The following COL4A4 variants were observed in gnomAD, a reference collection of about 807,000 sequenced individuals.
The protein encoded by COL4A4 is collagen type IV alpha 4 chain.
COL4A4 carries 105 observed loss-of-function variants against 192.9 expected under a neutral mutation model. The observed-to-expected ratio is 0.54, with a 90% CI of 0.46 to 0.64. The LOEUF (loss-of-function observed/expected upper bound fraction) is 0.64, where lower values mean the gene tolerates loss of function less well. Among genes scored for constraint, COL4A4 ranks in the 30% least tolerant of loss-of-function variants. COL4A4 has a pLI of 0.00. For missense variants in COL4A4, 1,967 were observed against 2,169.3 expected (o/e 0.91, Z 1.85); for synonymous variants, 762 against 769.9 (o/e 0.99, Z 0.17).
At chr2:226,970,043 C>T in the COL4A4 span, among the ~76,000 whole-genome samples, 2 of 132,480 alleles carry the variant, frequency 1.5e-5, no homozygotes, top group African/African-American at 2.8e-5. Context: ...AACCTGGTCA[C>T]ATCGTCATCC....
chr2:227,040,043 A>G (rs970541264), intron 37 of COL4A4, among the ~76,000 whole-genome samples: 2 of 152,206 alleles, frequency 1.3e-5, no homozygotes, highest in Non-Finnish European at 2.9e-5. Flanking sequence ...TACCTACCAC[A>G]CTACCACTTC....
At chr2:227,119,750 TA>T (rs2061678951) in intron 6 of COL4A4, 144 bp downstream of exon 6, 1 of 322,506 alleles carries the variant, frequency 3.1e-6, no homozygotes, top group Non-Finnish European at 5.7e-6. Flanking sequence ...GCTTGTGGTA[TA>T]TATAGCAAAT....
the COL4A4 span, among the ~76,000 whole-genome samples, chr2:226,974,383 G>A: frequency 1.3e-5 from 2 of 151,986 alleles, no homozygotes; most frequent in South Asian, 2.1e-4. Context: ...AATTACAGGC[G>A]CCCACCACTG....
At chr2:226,993,158 C>T in the COL4A4 span, among the ~76,000 whole-genome samples, 1 of 152,168 alleles carries the variant, frequency 6.6e-6, no homozygotes, top group Non-Finnish European at 1.5e-5. Context: ...CCTTCTAATT[C>T]CTCCAGGCAG....
At chr2:227,103,024 A>G in intron 14 of COL4A4, 120 bp downstream of exon 14, 3 of 1,101,854 alleles carry the variant, frequency 2.7e-6, no homozygotes, top group Non-Finnish European at 4.1e-6. Flanking sequence ...TAAGATAGTG[A>G]AAAATTCTGG....
intron 19 of COL4A4, 128 bp from the exon 20 acceptor site, chr2:227,094,417 G>C (rs2060100435): frequency 3.5e-6 from 3 of 859,960 alleles, no homozygotes; most frequent in African/African-American, 1.7e-5. Flanking sequence ...CGGAGCTGGA[G>C]GTCATTATGC....
At chr2:227,060,045 T>C in intron 27 of COL4A4, 91 bp downstream of exon 27, 1 of 862,000 alleles carries the variant, frequency 1.2e-6, no homozygotes. Context: ...ATTTCCTCAA[T>C]GAAATTATCC....
At chr2:227,029,514 A>T (rs1967795785) in intron 41 of COL4A4, among the ~76,000 whole-genome samples, 1 of 152,186 alleles carries the variant, frequency 6.6e-6, no homozygotes, top group African/African-American at 2.4e-5. Flanking sequence ...CCTCACAGTG[A>T]TTTTTATCTG....
chr2:226,978,365 T>C, the COL4A4 span, among the ~76,000 whole-genome samples: 1 of 152,104 alleles, frequency 6.6e-6, no homozygotes, highest in African/African-American at 2.4e-5. Context: ...TAGAGAAAGG[T>C]TGGATGGTAA....
chr2:227,081,455 G>C (rs2059321849), intron 23 of COL4A4, among the ~76,000 whole-genome samples: 1 of 152,088 alleles, frequency 6.6e-6, no homozygotes. Context: ...GGGCTCTTGT[G>C]CCTTCAGCCA....
chr2:227,041,781 AGGAAGG>A (rs1559476165), intron 37 of COL4A4, among the ~76,000 whole-genome samples: 6 of 84,466 alleles, frequency 7.1e-5, no homozygotes, highest in Non-Finnish European at 1.5e-4. Flanking sequence ...GAAGGAAGGA[AGGAAGG>A]GAAAGAAAGA....
chr2:227,112,812 TATG>T (rs1237199827), intron 8 of COL4A4, among the ~76,000 whole-genome samples: 1 of 152,266 alleles, frequency 6.6e-6, no homozygotes, highest in African/African-American at 2.4e-5. Context: ...AGTGAAATCA[TATG>T]ATATTTGACT....
At chr2:227,106,845 C>T (rs113819876) in intron 12 of COL4A4, among the ~76,000 whole-genome samples, 5,623 of 152,274 alleles carry the variant, frequency 0.037, 348 homozygotes, top group African/African-American at 0.13. Flanking sequence ...GGATTACAGG[C>T]GTGAGCCACT....
At chr2:227,034,390 G>A (rs1254717458) in intron 37 of COL4A4, among the ~76,000 whole-genome samples, 1 of 152,008 alleles carries the variant, frequency 6.6e-6, no homozygotes, top group Non-Finnish European at 1.5e-5. Flanking sequence ...AATATTTATC[G>A]AGCATCTCCA....
intron 8 of COL4A4, among the ~76,000 whole-genome samples, chr2:227,112,616 A>G (rs1461171637): frequency 6.6e-6 from 1 of 152,154 alleles, no homozygotes; most frequent in Non-Finnish European, 1.5e-5. Context: ...AATGCCACTT[A>G]AGTGGCATTA....
intron 43 of COL4A4, among the ~76,000 whole-genome samples, chr2:227,024,233 G>A (rs936842481): frequency 1.3e-5 from 2 of 152,040 alleles, no homozygotes; most frequent in African/African-American, 2.4e-5. Context: ...TCATCTGGCC[G>A]GGCATGGTGT....
intron 43 of COL4A4, among the ~76,000 whole-genome samples, chr2:227,022,820 C>A (rs557261636): frequency 1.4e-4 from 22 of 152,256 alleles, no homozygotes; most frequent in African/African-American, 5.1e-4. Context: ...TCATTGGCTG[C>A]ATAATAAACT....
rs1293305598 is a variant in COL4A4, at chr2:227,119,744, G to A, written c.372+151C>T. The A allele has an allele frequency of 1.6e-5, 5 of 304,336 alleles. No homozygotes were observed. The East Asian group carries it at 1.9e-4, about 12-fold the overall frequency. The allele number at this position is 304,336 out of a possible 1,614,324, so 18.9% of individuals were successfully genotyped here. ...AAGATATATATATATTACGTTGCTT[G>A]TGGTATATATAGCAAATATTTGCTA... is the stretch of plus-strand genomic sequence containing the variant. On this transcript the variant is annotated intron_variant, in intron 6 of 47. Transcript: ENST00000396625.
At chr2:227,161,040 T>C (rs1922021) in intron 1 of COL4A4, among the ~76,000 whole-genome samples, 71,633 of 152,058 alleles carry the variant, frequency 0.47, 18,777 homozygotes, top group African/African-American at 0.72. Context: ...TCATTAAAAG[T>C]AGAGGCTCGT....
Sources: allele counts gnomAD v4.1 joint callset (sites outside exome capture counted in the v4.1 genomes callset), GRCh38; gene constraint gnomAD v4.1.1; transcripts MANE v1.5; gene names NCBI Gene and HGNC (gene_info 2026-07-23, HGNC 2026-07-21).